Variants in CSMD1 observed in about 807,000 individuals in gnomAD.
The protein encoded by CSMD1 is CUB and sushi domain-containing protein 1.
A neutral mutation model predicts 417.5 loss-of-function variants in CSMD1; 213 were observed. That is an observed-to-expected ratio of 0.51 (90% CI 0.46 to 0.57). The LOEUF (loss-of-function observed/expected upper bound fraction) is 0.57. Among genes scored for constraint, CSMD1 ranks in the 20% least tolerant of loss-of-function variants. The probability of loss-of-function intolerance (pLI) is 0.00; values close to 1 mark genes in which losing one functional copy is unlikely to be tolerated. For synonymous variants in CSMD1, 2,862 were observed against 1,736.8 expected, an observed-to-expected ratio of 1.65 and a Z score of -16.11; for missense variants, 6,923 against 4,529.7, an observed-to-expected ratio of 1.53 and a Z score of -15.17.
At chr8:4,447,102 G>A (rs1236315698) in intron 2 of CSMD1, among the ~76,000 whole-genome samples, 1 of 152,172 alleles carries the variant, frequency 6.6e-6, no homozygotes, top group Middle Eastern at 3.4e-3. Flanking sequence ...TTGGGAAAAG[G>A]TACTTACTTA....
chr8:3,797,093 G>T (rs968392406), intron 5 of CSMD1, among the ~76,000 whole-genome samples: 1 of 151,906 alleles, frequency 6.6e-6, no homozygotes, highest in African/African-American at 2.4e-5. Context: ...CTCCTTTAAT[G>T]GGTGAACATT....
At chr8:3,995,232 T>C (rs765180493) in intron 5 of CSMD1, among the ~76,000 whole-genome samples, 2 of 152,228 alleles carry the variant, frequency 1.3e-5, no homozygotes, top group African/African-American at 2.4e-5. Flanking sequence ...TAGGTTTCCA[T>C]AGTTATTTAG....
intron 2 of CSMD1, among the ~76,000 whole-genome samples, chr8:4,625,197 C>T (rs1802026274): frequency 6.6e-6 from 1 of 151,260 alleles, no homozygotes; most frequent in Non-Finnish European, 1.5e-5. Context: ...CCACAGGCAA[C>T]CTCGTCTACA....
rs185815896 is a variant in CSMD1, at chr8:4,207,306, G to T, written c.416-175207C>A. 7.4e-4 allele frequency among the ~76,000 whole-genome samples: 113 copies of T among 152,230 alleles called. 1 individual carries two copies. The highest frequency in any genetic ancestry group is 3.4e-3 in the Middle Eastern group (1 of 292). On this transcript the variant is annotated intron_variant, in intron 3 of 69. Transcript: ENST00000635120. ...TATGGCTGGTCTAAACCATGTTAAC[G>T]TTAACTTTTAGTGGCTAGGACTCGT... is the stretch of plus-strand genomic sequence containing the variant.
At chr8:3,805,412 G>C (rs1800675913) in intron 5 of CSMD1, among the ~76,000 whole-genome samples, 1 of 152,144 alleles carries the variant, frequency 6.6e-6, no homozygotes, top group South Asian at 2.1e-4. Context: ...AAGGAAAGAA[G>C]TGGTCACCTC....
intron 5 of CSMD1, among the ~76,000 whole-genome samples, chr8:3,849,385 G>A (rs901826933): frequency 6.6e-6 from 1 of 152,104 alleles, no homozygotes; most frequent in Non-Finnish European, 1.5e-5. Flanking sequence ...GCCATCACAG[G>A]CGCCAAGGAA....
rs1342990680 is a variant in CSMD1, at chr8:4,332,355, C to A, written c.415+87598G>T. Reference sequence around the variant, plus strand: ...TCACCAAAACGCTGAAAAAGGAAGACAGCATTGCACTCAAATTAACGATTC... The same window carrying A: ...TCACCAAAACGCTGAAAAAGGAAGAAAGCATTGCACTCAAATTAACGATTC... On this transcript the variant is annotated intron_variant, in intron 3 of 69. Transcript: ENST00000635120. Among the ~76,000 whole-genome samples, 3 of 152,074 alleles carry A rather than the reference C, an allele frequency of 2.0e-5. No individual in the cohort carries two copies. In the East Asian group the frequency reaches 5.8e-4, roughly 29 times the overall value.
intron 6 of CSMD1, among the ~76,000 whole-genome samples, chr8:3,749,873 C>G (rs182756603): frequency 2.6e-5 from 4 of 151,672 alleles, no homozygotes; most frequent in Non-Finnish European, 5.9e-5. Flanking sequence ...CAATGGTGCT[C>G]GCATCTCCTG....
chr8:3,366,767 A>G (rs1809598823), intron 20 of CSMD1, among the ~76,000 whole-genome samples: 1 of 152,198 alleles, frequency 6.6e-6, no homozygotes, highest in African/African-American at 2.4e-5. Flanking sequence ...TGCAGAATGT[A>G]GTGACATCTA....
chr8:4,488,193 A>G (rs950788846), intron 2 of CSMD1, among the ~76,000 whole-genome samples: 4 of 152,240 alleles, frequency 2.6e-5, no homozygotes, highest in East Asian at 3.8e-4. Flanking sequence ...AAATAAGTTT[A>G]TGTTGTTTAT....
At chr8:3,911,910 C>CCAAGG (rs1464479637) in intron 5 of CSMD1, among the ~76,000 whole-genome samples, 6 of 152,170 alleles carry the variant, frequency 3.9e-5, no homozygotes, top group African/African-American at 1.2e-4. Flanking sequence ...CCATCATTTT[C>CCAAGG]CAAAGGATTC....
At chr8:4,223,919 G>A (rs1043145812) in intron 3 of CSMD1, among the ~76,000 whole-genome samples, 1 of 152,162 alleles carries the variant, frequency 6.6e-6, no homozygotes, top group Non-Finnish European at 1.5e-5. Context: ...CTTCCAGACG[G>A]TTAATAACAT....
chr8:4,790,208 T>C (rs559780207), intron 1 of CSMD1, among the ~76,000 whole-genome samples: 8 of 152,054 alleles, frequency 5.3e-5, no homozygotes, highest in South Asian at 4.2e-4. Flanking sequence ...GAGAGCCAAA[T>C]CTGAGAGCAC....
At chr8:3,590,522 C>G (rs1800801061) in intron 8 of CSMD1, among the ~76,000 whole-genome samples, 1 of 152,140 alleles carries the variant, frequency 6.6e-6, no homozygotes, top group Non-Finnish European at 1.5e-5. Context: ...GTATCACAAG[C>G]TAGTCCAGAA....
At chr8:3,978,937 C>T (rs886974125) in intron 5 of CSMD1, among the ~76,000 whole-genome samples, 8 of 152,184 alleles carry the variant, frequency 5.3e-5, no homozygotes, top group Admixed American at 3.9e-4. Context: ...CATTTCATTG[C>T]CAGCCACAGG....
chr8:3,213,723 ATATATG>A (rs1797736753), intron 30 of CSMD1, among the ~76,000 whole-genome samples: 1 of 150,734 alleles, frequency 6.6e-6, no homozygotes, highest in Non-Finnish European at 1.5e-5. Context: ...ACATTAAAAT[ATATATG>A]TATATATGTA....
chr8:3,438,357 G>C (rs933579491), intron 12 of CSMD1, among the ~76,000 whole-genome samples: 1 of 152,138 alleles, frequency 6.6e-6, no homozygotes, highest in Admixed American at 6.5e-5. Context: ...AAACAGGTGA[G>C]ATACAGAACA....
chr8:4,450,222 G>A (rs767893869), intron 2 of CSMD1, among the ~76,000 whole-genome samples: 4 of 152,170 alleles, frequency 2.6e-5, no homozygotes, highest in African/African-American at 7.2e-5. Context: ...TATATGTGAG[G>A]GAGACTAAGA....
intron 23 of CSMD1, among the ~76,000 whole-genome samples, chr8:3,333,535 T>G (rs903636526): frequency 1.3e-5 from 2 of 152,188 alleles, no homozygotes; most frequent in Non-Finnish European, 2.9e-5. Flanking sequence ...ATATAGATAC[T>G]GCAATTTACA....
Sources: gnomAD v4.1 joint callset for allele counts (sites outside exome capture counted in the v4.1 genomes callset) on GRCh38, gnomAD v4.1.1 for gene constraint, MANE v1.5 for transcripts, NCBI Gene and HGNC (gene_info 2026-07-23, HGNC 2026-07-21) for gene names.